Variants in BNC2 observed in about 807,000 individuals in gnomAD.
The protein encoded by BNC2 is zinc finger protein basonuclin-2.
BNC2 carries 20 observed loss-of-function variants against 76.3 expected under a neutral mutation model. The observed-to-expected ratio is 0.26, with a 90% CI of 0.18 to 0.38. The LOEUF is 0.38. Ranked by LOEUF, BNC2 falls within the 10% of genes least tolerant of loss-of-function variation. BNC2 has a pLI of 1.00. For missense variants in BNC2, 1,382 were observed against 1,399.8 expected, an observed-to-expected ratio of 0.99 and a Z score of 0.20; for synonymous variants, 582 against 514.8, an observed-to-expected ratio of 1.13 and a Z score of -1.77.
chr9:16,543,814 T>C (rs116858083), intron 5 of BNC2, among the ~76,000 whole-genome samples: 1,538 of 152,276 alleles, frequency 0.01, 10 homozygotes, highest in Middle Eastern at 0.027. Flanking sequence ...CCAAGGATAA[T>C]AGTCTCTGAA....
chr9:16,724,316 T>C (rs1428282307), intron 3 of BNC2, among the ~76,000 whole-genome samples: 6 of 151,934 alleles, frequency 3.9e-5, no homozygotes, highest in African/African-American at 1.2e-4. Context: ...AATAGAAGAA[T>C]TGCCTCCTCA....
At chr9:16,578,251 G>A (rs12004947) in intron 4 of BNC2, among the ~76,000 whole-genome samples, 9,444 of 152,022 alleles carry the variant, frequency 0.062, 864 homozygotes, top group African/African-American at 0.19. Context: ...TTCCTAAAAC[G>A]CCTTAGAATT....
chr9:16,597,695 T>A lies in BNC2; in HGVS notation c.331-14610A>T, dbSNP rs188693578. ...TATATTTAGATATTTGTTTTACACA[T>A]GAGAAGGCATAAGCTTTACCTGCAT... On this transcript the variant is annotated intron_variant, in intron 3 of 6. Transcript: ENST00000380672. Among the ~76,000 whole-genome samples, 6 of 152,304 alleles carry A rather than the reference T, an allele frequency of 3.9e-5. No homozygotes were observed. In the East Asian group the frequency reaches 1.2e-3, roughly 29 times the overall value.
rs565524509 is a variant in BNC2 at position 16,854,701 on chromosome 9, G to A, written c.3+15945C>T. ...TGCATTAGATCCATAAAAAACCAAA[G>A]AGAGGCAAAGTCACCTTAACAACTA... On this transcript the variant is annotated intron_variant, in intron 1 of 6. Transcript: ENST00000380672. Among the ~76,000 whole-genome samples the A allele has an allele frequency of 2.6e-5, 4 of 152,066 alleles. No individual in the cohort carries two copies. The South Asian group carries it at 8.3e-4, about 32-fold the overall frequency.
intron 4 of BNC2, chr9:16,579,890 A>G (rs1414618431): frequency 5.2e-6 from 2 of 386,056 alleles, no homozygotes; most frequent in Non-Finnish European, 9.1e-6. Flanking sequence ...GTTATTTTTT[A>G]GCAGCAGATA....
chr9:16,809,455 T>A (rs1817993195), intron 1 of BNC2, among the ~76,000 whole-genome samples: 1 of 152,122 alleles, frequency 6.6e-6, no homozygotes, highest in South Asian at 2.1e-4. Flanking sequence ...CTCGGTCCAG[T>A]TTTTGCTTCT....
intron 3 of BNC2, chr9:16,704,987 A>C (rs1416483315): frequency 1.3e-5 from 2 of 152,136 alleles, no homozygotes; most frequent in Non-Finnish European, 2.9e-5. Flanking sequence ...TTCAGCTGTT[A>C]ATTGTCCAGA....
At chr9:16,492,700 G>T in intron 5 of BNC2, among the ~76,000 whole-genome samples, 1 of 150,666 alleles carries the variant, frequency 6.6e-6, no homozygotes. Flanking sequence ...TCCATCCTTC[G>T]AGGGTGGTAA....
chr9:16,687,523 C>T (rs758359369), intron 3 of BNC2, among the ~76,000 whole-genome samples: 11 of 152,050 alleles, frequency 7.2e-5, no homozygotes, highest in South Asian at 2.1e-4. Flanking sequence ...AGTTCTGCAA[C>T]AGTAATTCTC....
At chr9:16,445,112 T>C (rs745679061) in intron 5 of BNC2, among the ~76,000 whole-genome samples, 35 of 152,114 alleles carry the variant, frequency 2.3e-4, no homozygotes, top group Non-Finnish European at 4.3e-4. Flanking sequence ...TTGAAAACAA[T>C]AGATTCTGGG....
intron 6 of BNC2, among the ~76,000 whole-genome samples, chr9:16,424,078 C>T (rs1027475174): frequency 2.6e-5 from 4 of 152,138 alleles, no homozygotes; most frequent in South Asian, 4.1e-4. Context: ...ATCCATCAAA[C>T]GTAGTCAAGT....
At chr9:16,826,230 C>T (rs1818451730) in intron 1 of BNC2, among the ~76,000 whole-genome samples, 1 of 126,766 alleles carries the variant, frequency 7.9e-6, no homozygotes, top group African/African-American at 3.0e-5. Flanking sequence ...CCCCCCCGCT[C>T]AATCTTCCCC....
intron 3 of BNC2, among the ~76,000 whole-genome samples, chr9:16,645,591 A>G (rs947538580): frequency 6.6e-6 from 1 of 152,194 alleles, no homozygotes; most frequent in East Asian, 1.9e-4. Context: ...TGGATGTCAG[A>G]TCTGGAATCA....
intron 3 of BNC2, among the ~76,000 whole-genome samples, chr9:16,716,131 T>A (rs1430453916): frequency 6.6e-6 from 1 of 152,216 alleles, no homozygotes; most frequent in African/African-American, 2.4e-5. Flanking sequence ...TACTCAGATT[T>A]TGTTCCTTCA....
intron 3 of BNC2, among the ~76,000 whole-genome samples, chr9:16,656,655 T>C (rs1415471): frequency 0.46 from 70,478 of 152,050 alleles, 18,502 homozygotes; most frequent in East Asian, 0.69. Flanking sequence ...TGTGGACCTT[T>C]AGGGTTTTAT....
chr9:16,475,901 T>G (rs1482837097), intron 5 of BNC2: 1 of 152,224 alleles, frequency 6.6e-6, no homozygotes. Flanking sequence ...ATAAATCCTT[T>G]TGATGCATTT....
At chr9:16,584,941 CAAT>C (rs1383865765) in intron 3 of BNC2, among the ~76,000 whole-genome samples, 2 of 151,788 alleles carry the variant, frequency 1.3e-5, no homozygotes, top group Non-Finnish European at 2.9e-5. Flanking sequence ...ATTTGAAGTG[CAAT>C]AATAAAAGCT....
intron 3 of BNC2, among the ~76,000 whole-genome samples, chr9:16,705,656 G>T (rs200041149): frequency 2.0e-5 from 3 of 150,694 alleles, no homozygotes; most frequent in Non-Finnish European, 3.0e-5. Flanking sequence ...TGTGGCTTGG[G>T]TTTTTTTTTC....
At chr9:16,524,264 T>G (rs1303781919) in intron 5 of BNC2, among the ~76,000 whole-genome samples, 1 of 152,224 alleles carries the variant, frequency 6.6e-6, no homozygotes, top group Non-Finnish European at 1.5e-5. Context: ...AAGTACAGTA[T>G]GAGCTACTAG....
Sources: allele counts gnomAD v4.1 joint callset (sites outside exome capture counted in the v4.1 genomes callset), GRCh38; gene constraint gnomAD v4.1.1; transcripts MANE v1.5; gene names NCBI Gene and HGNC (gene_info 2026-07-23, HGNC 2026-07-21).